ASRGL1: variants seen among roughly 807,000 people sequenced by gnomAD.
ASRGL1 encodes isoaspartyl peptidase/L-asparaginase.
ASRGL1 carries 16 observed loss-of-function variants against 22.4 expected under a neutral mutation model. The ratio of observed to expected loss-of-function variants is 0.71; its 90% CI spans 0.48 to 1.08. ASRGL1 has a LOEUF of 1.08. ASRGL1 is among the 50% of genes least tolerant of loss of function. The probability of loss-of-function intolerance (pLI) is 0.00; values close to 1 mark genes in which losing one functional copy is unlikely to be tolerated. For missense variants in ASRGL1, 412 were observed against 410.1 expected (o/e 1.00, Z -0.04); for synonymous variants, 165 against 159.3 (o/e 1.04, Z -0.27).
In ASRGL1 at chr11:62,392,770, G is replaced by A. The variant is rs185019883; in HGVS notation, c.*486G>A. On this transcript the variant is annotated 3_prime_UTR_variant, in exon 7 of 7. Transcript: ENST00000415229. ...GCGAAGCCCAGGTGACCCTCAGAACGTTGCACAAGAACATCAGGGAAAAGA... is the reference window on the plus strand; with the variant it reads ...GCGAAGCCCAGGTGACCCTCAGAACATTGCACAAGAACATCAGGGAAAAGA... The A allele has an allele frequency of 2.7e-4, 45 of 169,254 alleles. No individual in the cohort carries two copies. The highest frequency in any genetic ancestry group is 2.4e-3 in the Admixed American group (42 of 17,756). 10.5% of individuals were successfully genotyped at this position (169,254 alleles called of 1,614,324 possible).
At position 62,368,641 on chromosome 11, in the gene ASRGL1, T is replaced by C. The variant is rs370879970; in HGVS notation, c.491+11497T>C. On this transcript the variant is annotated intron_variant, in intron 4 of 6. Coordinates refer to ENST00000415229, the MANE Select transcript of ASRGL1 (RefSeq NM_001083926.2). ...GCGTACGGAGGACCCACTCTGGCAC[T>C]GGTCTCTGAGTTCCCTCAGTATTTA... is the stretch of plus-strand genomic sequence containing the variant. Among the ~76,000 whole-genome samples, 157 of 152,216 alleles carry C rather than the reference T, an allele frequency of 1.0e-3. 2 individuals are homozygous for C. The highest frequency in any genetic ancestry group is 2.9e-3 in the African/African-American group (120 of 41,510).
intron 4 of ASRGL1, chr11:62,372,266 A>G (rs1469044881): frequency 1.3e-6 from 2 of 1,598,140 alleles, no homozygotes; most frequent in Non-Finnish European, 1.7e-6. Context: ...CCTTGACGGA[A>G]ACGGGCTCCG....
intron 4 of ASRGL1, among the ~76,000 whole-genome samples, chr11:62,369,767 G>A (rs1946714893): frequency 6.6e-6 from 1 of 151,974 alleles, no homozygotes; most frequent in South Asian, 2.1e-4. Flanking sequence ...CTTCCCTGTG[G>A]GTGGCGTCTA....
intron 2 of ASRGL1, among the ~76,000 whole-genome samples, chr11:62,343,308 G>A (rs942044846): frequency 6.8e-6 from 1 of 147,202 alleles, no homozygotes; most frequent in Non-Finnish European, 1.5e-5. Context: ...AACCTGGGAG[G>A]TAGAGGTCGC....
intron 2 of ASRGL1, among the ~76,000 whole-genome samples, chr11:62,351,475 C>T (rs151126595): frequency 0.079 from 11,958 of 151,908 alleles, 597 homozygotes; most frequent in Non-Finnish European, 0.12. Flanking sequence ...CATGGTGAAA[C>T]GCCGTCCCTA....
At chr11:62,348,530 C>T (rs1452682287) in intron 2 of ASRGL1, among the ~76,000 whole-genome samples, 2 of 151,870 alleles carry the variant, frequency 1.3e-5, no homozygotes, top group East Asian at 1.9e-4. Context: ...ATGCGAAACC[C>T]CGTCTCTACT....
the ASRGL1 span, among the ~76,000 whole-genome samples, chr11:62,399,463 C>CT: frequency 6.6e-6 from 1 of 152,210 alleles, no homozygotes; most frequent in African/African-American, 2.4e-5. Context: ...GACAGGAAGC[C>CT]TCCTTCGTGC....
intron 4 of ASRGL1, chr11:62,371,622 G>T: frequency 1.5e-6 from 1 of 657,252 alleles, no homozygotes; most frequent in South Asian, 1.4e-5. Context: ...TTTTGATTTT[G>T]GGGGCAACCA....
chr11:62,375,246 C>T (rs1363930721), intron 4 of ASRGL1, among the ~76,000 whole-genome samples: 3 of 151,616 alleles, frequency 2.0e-5, no homozygotes, highest in African/African-American at 4.9e-5. Context: ...GGGTGCCGTG[C>T]ACTCCTAGAG....
intron 2 of ASRGL1, among the ~76,000 whole-genome samples, chr11:62,340,626 C>T (rs372813215): frequency 1.3e-5 from 2 of 152,170 alleles, no homozygotes; most frequent in Non-Finnish European, 2.9e-5. Context: ...TCCTTCTCAA[C>T]GTCTGCCCTC....
intron 2 of ASRGL1, among the ~76,000 whole-genome samples, chr11:62,351,369 G>T (rs1396662601): frequency 3.3e-5 from 5 of 151,788 alleles, no homozygotes; most frequent in Non-Finnish European, 5.9e-5. Context: ...TTCCTTTCTG[G>T]CTGAGCCTGG....
At chr11:62,381,426 G>A (rs553224248) in intron 4 of ASRGL1, among the ~76,000 whole-genome samples, 1 of 152,112 alleles carries the variant, frequency 6.6e-6, no homozygotes, top group South Asian at 2.1e-4. Flanking sequence ...TTCCTTTCTG[G>A]GATTCTATCC....
chr11:62,337,729 G>T (rs1490089596), intron 1 of ASRGL1, among the ~76,000 whole-genome samples, 155 bp downstream of exon 1: 2 of 49,780 alleles, frequency 4.0e-5, no homozygotes, highest in African/African-American at 9.4e-5. Flanking sequence ...ACGTCCCCGG[G>T]GAAACTGAGA....
chr11:62,348,541 A>G (rs189224818), intron 2 of ASRGL1, among the ~76,000 whole-genome samples: 1 of 152,122 alleles, frequency 6.6e-6, no homozygotes, highest in African/African-American at 2.4e-5. Flanking sequence ...CGTCTCTACT[A>G]AAAATACAAA....
At chr11:62,379,322 A>G (rs1947007898) in intron 4 of ASRGL1, among the ~76,000 whole-genome samples, 1 of 152,160 alleles carries the variant, frequency 6.6e-6, no homozygotes, top group Non-Finnish European at 1.5e-5. Context: ...TCCTTGAATA[A>G]TGGCCTTACA....
intron 4 of ASRGL1, chr11:62,372,381 A>T: frequency 1.3e-6 from 2 of 1,558,120 alleles, no homozygotes; most frequent in South Asian, 2.2e-5. Context: ...GCCAATTACC[A>T]AAATGGCCTG....
intron 4 of ASRGL1, among the ~76,000 whole-genome samples, chr11:62,370,063 A>T (rs1946722725): frequency 6.6e-6 from 1 of 152,144 alleles, no homozygotes; most frequent in South Asian, 2.1e-4. Context: ...CGTAGCTGTG[A>T]CTGCAATTAA....
At chr11:62,367,979 A>AT (rs199762771) in intron 4 of ASRGL1, among the ~76,000 whole-genome samples, 11 of 150,718 alleles carry the variant, frequency 7.3e-5, no homozygotes, top group South Asian at 2.1e-4. Flanking sequence ...AAAATTTTTA[A>AT]TTTTTTTTTT....
At chr11:62,391,761 T>A in intron 6 of ASRGL1, 129 bp downstream of exon 6, 1 of 1,230,690 alleles carries the variant, frequency 8.1e-7, no homozygotes, top group Non-Finnish European at 1.1e-6. Context: ...TTCAGGCCGT[T>A]AACACCTTGT....
Sources: allele counts gnomAD v4.1 joint callset (sites outside exome capture counted in the v4.1 genomes callset), GRCh38; gene constraint gnomAD v4.1.1; transcripts MANE v1.5; gene names NCBI Gene and HGNC (gene_info 2026-07-23, HGNC 2026-07-21).